MIA2: variants seen among roughly 807,000 people sequenced by gnomAD.
MIA2 encodes melanoma inhibitory activity protein 2.
In MIA2, 127 loss-of-function variants were observed where a neutral mutation model predicts 167.8. The observed-to-expected ratio is 0.76, with a 90% confidence interval of 0.66 to 0.88. The LOEUF is 0.88. Among genes scored for constraint, MIA2 ranks in the 40% least tolerant of loss-of-function variants. MIA2 has a pLI of 0.00. For missense variants in MIA2, 1,690 were observed against 1,624.7 expected (o/e 1.04, Z -0.69); for synonymous variants, 552 against 541.9 (o/e 1.02, Z -0.26).
Position 39,319,101 on chromosome 14 carries a change from G to C in MIA2, c.3285-108G>C, listed in dbSNP as rs1258787073. On this transcript the variant is annotated intron_variant, in intron 22 of 28. Coordinates refer to ENST00000640607, the MANE Select transcript of MIA2 (RefSeq NM_001329214.4). ...TAATTTTAGAGGATCTGTTTGTTCT[G>C]TGTAGATATTAAAATAGTGAAGAGC... 5.8e-5 allele frequency: 30 copies of C among 516,120 alleles called. 1 individual carries two copies. The highest frequency in any genetic ancestry group is 5.4e-4 in the South Asian group (13 of 23,994). The allele number at this position is 516,120 out of a possible 1,614,324, so 32.0% of individuals were successfully genotyped here.
intron 19 of MIA2, 64 bp from the exon 20 acceptor site, chr14:39,314,675 A>G (rs1172618836): frequency 1.1e-6 from 1 of 878,870 alleles, no homozygotes; most frequent in Non-Finnish European, 1.6e-6. Context: ...TTTTTTTAGT[A>G]GAGAGTATGT....
chr14:39,326,640 ATATT>A (rs2067609241), intron 24 of MIA2, among the ~76,000 whole-genome samples: 1 of 148,676 alleles, frequency 6.7e-6, no homozygotes, highest in South Asian at 2.1e-4. Flanking sequence ...TAAATATTTT[ATATT>A]TATTTTATAT....
intron 17 of MIA2, among the ~76,000 whole-genome samples, chr14:39,304,717 T>C (rs1000854687): frequency 6.6e-6 from 1 of 152,198 alleles, no homozygotes; most frequent in Non-Finnish European, 1.5e-5. Flanking sequence ...TTAAAGTCTT[T>C]GTTAATTGAA....
intron 13 of MIA2, among the ~76,000 whole-genome samples, chr14:39,298,958 A>G (rs1263951972): frequency 6.7e-6 from 1 of 149,598 alleles, no homozygotes; most frequent in African/African-American, 2.5e-5. Flanking sequence ...AGTATGTGAC[A>G]TGTGCTTGTA....
intron 6 of MIA2, among the ~76,000 whole-genome samples, chr14:39,257,330 C>G (rs1450316700): frequency 6.6e-6 from 1 of 152,102 alleles, no homozygotes; most frequent in African/African-American, 2.4e-5. Context: ...ATCCCTTTAC[C>G]ATTATGTAAT....
At chr14:39,264,476 G>A (rs2055329009) in intron 6 of MIA2, among the ~76,000 whole-genome samples, 1 of 152,070 alleles carries the variant, frequency 6.6e-6, no homozygotes, top group Non-Finnish European at 1.5e-5. Context: ...GACATTGCTG[G>A]GTCGAATGGT....
chr14:39,304,442 A>G, intron 17 of MIA2, 61 bp downstream of exon 17: 1 of 854,516 alleles, frequency 1.2e-6, no homozygotes. Flanking sequence ...CTTGGCAGAG[A>G]ATGGTAAAAA....
intron 23 of MIA2, chr14:39,386,807 A>G: frequency 1.0e-6 from 1 of 1,004,806 alleles, no homozygotes. Flanking sequence ...TAGTGTCACC[A>G]TTACTGATGA....
At position 39,350,140 on chromosome 14, in the gene MIA2, C is replaced by G; in HGVS notation, c.4115C>G (p.Pro1372Arg). The G allele has an allele frequency of 7.2e-7, 1 of 1,385,286 alleles. No homozygotes were observed. The highest frequency in any genetic ancestry group is 9.9e-7 in the Non-Finnish European group (1 of 1,015,152). The allele number at this position is 1,385,286 out of a possible 1,614,324, so 85.8% of individuals were successfully genotyped here. The change falls in exon 29 of 29, where the codon CCC becomes CGC. Residue 1372 changes from proline to arginine, a missense_variant. Coordinates refer to ENST00000640607, the MANE Select transcript of MIA2 (RefSeq NM_001329214.4). ...CCGAGGGGTTTTCCTCCTTACCTTC[C>G]CCCAAGACCTGGATTTTTCCCCCCA... The part of the protein sequence containing the change: ...YPPRGFPPYL[P>R]PRPGFFPPPP...
At chr14:39,280,534 T>A (rs982250832) in intron 9 of MIA2, among the ~76,000 whole-genome samples, 1 of 151,950 alleles carries the variant, frequency 6.6e-6, no homozygotes, top group Admixed American at 6.6e-5. Context: ...AGATCGAGAC[T>A]ATCCTGGCTA....
intron 18 of MIA2, among the ~76,000 whole-genome samples, chr14:39,312,900 TG>T (rs1480487317): frequency 6.6e-6 from 1 of 152,032 alleles, no homozygotes; most frequent in Non-Finnish European, 1.5e-5. Flanking sequence ...TGTGTGTGTG[TG>T]TGTGTGCGTG....
intron 18 of MIA2, among the ~76,000 whole-genome samples, chr14:39,312,113 C>G (rs971095870): frequency 6.6e-6 from 1 of 152,166 alleles, no homozygotes; most frequent in Admixed American, 6.5e-5. Context: ...TAGGCATGAG[C>G]CACTGCACCC....
chr14:39,358,346 G>A (rs756843039), intron 23 of MIA2, among the ~76,000 whole-genome samples: 6 of 151,896 alleles, frequency 4.0e-5, no homozygotes, highest in African/African-American at 9.7e-5. Flanking sequence ...TGATCAAATC[G>A]GCTACTGAAG....
rs143819512 is a variant in MIA2, at chr14:39,378,422, A to G, written c.2249-8463A>G. ...TTTTCCTCTTTATTCCAATGGCACC[A>G]TCTCTAAATTTATCCATAAATCTAT... On this transcript the variant is annotated intron_variant, in intron 23 of 23. Coordinates refer to the MIA2 transcript ENST00000341502. Among the ~76,000 whole-genome samples the G allele has an allele frequency of 2.6e-4, 39 of 152,310 alleles. No individual in the cohort carries two copies. In the East Asian group the frequency reaches 7.3e-3, roughly 29 times the overall value.
chr14:39,295,076 G>C, intron 13 of MIA2, 47 bp downstream of exon 13: 1 of 1,291,102 alleles, frequency 7.7e-7, no homozygotes, highest in Non-Finnish European at 1.1e-6. Context: ...TGTAATTATA[G>C]ATGTTCTTGT....
At chr14:39,352,229 A>G (rs1357721859), downstream of MIA2, among the ~76,000 whole-genome samples, 1 of 139,282 alleles carries the variant, frequency 7.2e-6, no homozygotes, top group Non-Finnish European at 1.5e-5. Context: ...GAATACTTTC[A>G]TCATGGAGGC....
rs2062112155 is a variant in MIA2, at chr14:39,299,860, TCAGCTTTTGCAAGA to T, written c.2497-3_2507del. 1 of 1,598,118 alleles carries T rather than the reference TCAGCTTTTGCAAGA, an allele frequency of 6.3e-7. No individual in the cohort carries two copies. On this transcript the variant is annotated splice_acceptor_variant and splice_polypyrimidine_tract_variant and coding_sequence_variant and intron_variant, in exon 14 of 29. Transcript: ENST00000640607. LOFTEE classifies it high-confidence loss of function. ...AGTTGCATTTTTAAAATTTTCATTT[TCAGCTTTTGCAAGA>T]AGCTGAAGTATGGAAAGAACAAGTG...
In MIA2 at chr14:39,276,977, T is replaced by A. The variant is rs201398321; in HGVS notation, c.1931T>A (p.Leu644His). The A allele has an allele frequency of 1.2e-6, 2 of 1,613,872 alleles. No individual in the cohort carries two copies. The highest frequency in any genetic ancestry group is 1.3e-5 in the African/African-American group (1 of 74,928). Reference protein sequence around the residue: ...LPEGMRPDSNLYGFPWELVIC... With the variant: ...LPEGMRPDSNHYGFPWELVIC... ...GAAGGTATGAGACCAGATTCTAATC[T>A]TTATGGTTTTCCATGGGAATTGGTG... Residue 644 changes from leucine to histidine, a missense_variant, in exon 7 of 29, where the codon CTT becomes CAT. By Grantham distance (99) the Leu-to-His change is moderately conservative. Coordinates refer to ENST00000640607, the MANE Select transcript of MIA2 (RefSeq NM_001329214.4).
intron 23 of MIA2, among the ~76,000 whole-genome samples, chr14:39,362,827 C>T (rs774246893): frequency 1.4e-4 from 21 of 152,076 alleles, no homozygotes; most frequent in Admixed American, 6.6e-5. Flanking sequence ...ATAAAATTCC[C>T]TCTCAGCACT....
Sources: gnomAD v4.1 joint callset for allele counts (sites outside exome capture counted in the v4.1 genomes callset) on GRCh38, gnomAD v4.1.1 for gene constraint, MANE v1.5 for transcripts, NCBI Gene and HGNC (gene_info 2026-07-23, HGNC 2026-07-21) for gene names.